The following CACNA1D variants were observed in gnomAD, a reference collection of about 807,000 sequenced individuals.
CACNA1D encodes voltage-dependent L-type calcium channel subunit alpha-1D.
In CACNA1D, 55 loss-of-function variants were observed where a neutral mutation model predicts 257.1. The observed-to-expected ratio is 0.21, with a 90% CI of 0.17 to 0.27. The LOEUF is 0.27. Among genes scored for constraint, CACNA1D ranks in the 10% least tolerant of loss-of-function variants. CACNA1D has a pLI of 1.00. For synonymous variants in CACNA1D, 980 were observed against 1,014.9 expected (o/e 0.97, Z 0.65); for missense variants, 1,876 against 2,784.0 (o/e 0.67, Z 7.34).
chr3:53,716,806 G>A (rs562887634), intron 9 of CACNA1D, among the ~76,000 whole-genome samples: 36 of 152,174 alleles, frequency 2.4e-4, no homozygotes, highest in Middle Eastern at 3.4e-3. Context: ...CAGTTTCTCG[G>A]GCACTCACAA....
At chr3:53,602,813 T>C (rs930645082) in intron 3 of CACNA1D, among the ~76,000 whole-genome samples, 7 of 152,212 alleles carry the variant, frequency 4.6e-5, no homozygotes, top group African/African-American at 1.7e-4. Context: ...TTCCCCCTAT[T>C]GAGTTGTCTG....
intron 3 of CACNA1D, among the ~76,000 whole-genome samples, chr3:53,628,024 A>AAAT (rs2093779491): frequency 6.6e-6 from 1 of 151,988 alleles, no homozygotes; most frequent in African/African-American, 2.4e-5. Context: ...CATCTCAAAA[A>AAAT]AAATAAATAA....
Position 53,811,774 on chromosome 3 carries a change from C to T in CACNA1D, c.*368C>T, listed in dbSNP as rs942408129. On this transcript the variant is annotated 3_prime_UTR_variant, in exon 48 of 48. Coordinates refer to ENST00000350061, the MANE Select transcript of CACNA1D (RefSeq NM_001128840.3). This position sits in a 1 kb window ranked among gnomAD's most constrained non-coding sequence, Gnocchi z 4.2. ...GCCCACCCAACTGAAGGCATGGCGG[C>T]GGGGTGCAGGGGAAAGTTAAAGGTG... 2.2e-5 allele frequency: 4 copies of T among 182,138 alleles called. No homozygotes were observed. Among genetic ancestry groups the T allele is most frequent in the Admixed American group, 5.9e-5 (1 of 17,086 alleles). The allele number at this position is 182,138 out of a possible 1,614,324, so 11.3% of individuals were successfully genotyped here. A position where few individuals can be genotyped will look rare whatever the true frequency, so the allele number is the denominator to read the frequency against.
intron 8 of CACNA1D, among the ~76,000 whole-genome samples, chr3:53,689,722 G>A (rs1432344080): frequency 6.6e-6 from 1 of 152,094 alleles, no homozygotes; most frequent in African/African-American, 2.4e-5. Flanking sequence ...GCAATGGTGC[G>A]ATTGTAGCTC....
At chr3:53,552,155 A>C (rs1278302408) in intron 3 of CACNA1D, among the ~76,000 whole-genome samples, 2 of 152,118 alleles carry the variant, frequency 1.3e-5, no homozygotes, top group African/African-American at 4.8e-5. Context: ...ACTGTCTCCC[A>C]GTGTGTGTGG....
In CACNA1D at chr3:53,666,460, T is replaced by C. The variant is rs760386666; in HGVS notation, c.1041T>C (p.Phe347=). Reference sequence around the variant, plus strand: ...GCCCGAACGGAGGCATCACCAACTTTGATAACTTTGCCTTTGCCATGCTTA... The same window carrying C: ...GCCCGAACGGAGGCATCACCAACTTCGATAACTTTGCCTTTGCCATGCTTA... ...WVGPNGGITN[F]DNFAFAMLTV... Residue 347 remains phenylalanine (F), a synonymous_variant, in exon 7 of 48, where the codon TTT becomes TTC. Transcript: ENST00000350061. 1.9e-6 allele frequency: 3 copies of C among 1,614,058 alleles called. No homozygotes were observed. In the Admixed American group the frequency reaches 5.0e-5, roughly 27 times the overall value.
At chr3:53,613,983 A>C (rs1054269485) in intron 3 of CACNA1D, among the ~76,000 whole-genome samples, 2 of 151,992 alleles carry the variant, frequency 1.3e-5, no homozygotes, top group African/African-American at 4.8e-5. Context: ...TAGAACTCTA[A>C]AGAAGATAGG....
chr3:53,499,652 AT>A (rs2090507446), intron 2 of CACNA1D, among the ~76,000 whole-genome samples: 1 of 152,196 alleles, frequency 6.6e-6, no homozygotes, highest in Non-Finnish European at 1.5e-5. Flanking sequence ...AATACAACTT[AT>A]ATTTAGTCTT....
chr3:53,497,338 G>A lies in CACNA1D; in HGVS notation c.254G>A (p.Arg85His). 5 of 1,614,106 alleles carry A rather than the reference G, an allele frequency of 3.1e-6. No homozygotes were observed. The highest frequency in any genetic ancestry group is 1.1e-5 in the South Asian group (1 of 91,062). ...PPVGSLSQRK[R>H]QQYAKSKKQG... ...GTAGGATCTCTCTCCCAAAGAAAAC[G>A]TCAGCAATACGCCAAGAGCAAAAAA... Residue 85 changes from arginine (R) to histidine (H), a missense_variant, in exon 2 of 48, where the codon CGT becomes CAT. Transcript: ENST00000350061.
At chr3:53,731,036 A>C (rs370890846) in intron 16 of CACNA1D, 41 bp from the exon 17 acceptor site, 1 of 1,204,516 alleles carries the variant, frequency 8.3e-7, no homozygotes. Context: ...ACAGAGTAAC[A>C]TGGTTATTTG....
chr3:53,564,286 G>A (rs2092794484), intron 3 of CACNA1D, among the ~76,000 whole-genome samples: 1 of 151,992 alleles, frequency 6.6e-6, no homozygotes, highest in Admixed American at 6.6e-5. Context: ...TCAGCCTCCT[G>A]AGTAGCTGGG....
At chr3:53,521,321 C>T (rs1044350458) in intron 3 of CACNA1D, among the ~76,000 whole-genome samples, 1 of 152,210 alleles carries the variant, frequency 6.6e-6, no homozygotes, top group Non-Finnish European at 1.5e-5. Context: ...GTGTTCCAGG[C>T]ATGAGCTACT....
At chr3:53,525,147 A>C (rs1402540480) in intron 3 of CACNA1D, among the ~76,000 whole-genome samples, 1 of 152,166 alleles carries the variant, frequency 6.6e-6, no homozygotes, top group Non-Finnish European at 1.5e-5. Flanking sequence ...TGTATGTCTT[A>C]TCCTTACTCG....
intron 9 of CACNA1D, among the ~76,000 whole-genome samples, chr3:53,706,512 A>G (rs1170970359): frequency 6.6e-6 from 1 of 152,190 alleles, no homozygotes; most frequent in Non-Finnish European, 1.5e-5. Context: ...ATATCTCCCC[A>G]TGGGGCTGTT....
rs1403797818 is a variant in CACNA1D, at chr3:53,501,701, A to G, written c.464A>G (p.Asn155Ser). 1 of 1,585,630 alleles carries G rather than the reference A, an allele frequency of 6.3e-7. No individual in the cohort carries two copies. Among genetic ancestry groups the G allele is most frequent in the South Asian group, 1.1e-5 (1 of 90,522 alleles). ...ATCCCATTCCCTGAAGATGATTCTA[A>G]TTCAACAAATCATAACTTGGTAAGT... ...IYIPFPEDDS[N>S]STNHNLEKVE... The change falls in exon 3 of 48, where the codon AAT becomes AGT. Residue 155 changes from asparagine (N) to serine (S), a missense_variant. Coordinates refer to ENST00000350061, the MANE Select transcript of CACNA1D (RefSeq NM_001128840.3).
At chr3:53,577,148 G>A (rs2093051872) in intron 3 of CACNA1D, among the ~76,000 whole-genome samples, 1 of 152,148 alleles carries the variant, frequency 6.6e-6, no homozygotes. Context: ...ATGTGGTCTG[G>A]AGTGCTTTGC....
At chr3:53,511,375 G>A (rs557542846) in intron 3 of CACNA1D, among the ~76,000 whole-genome samples, 9 of 152,246 alleles carry the variant, frequency 5.9e-5, no homozygotes, top group South Asian at 2.1e-4. Context: ...AGTACATCCT[G>A]ACACACAGGG....
At chr3:53,745,459 T>C (rs1289522457) in intron 23 of CACNA1D, among the ~76,000 whole-genome samples, 165 bp from the exon 24 acceptor site, 1 of 152,138 alleles carries the variant, frequency 6.6e-6, no homozygotes, top group African/African-American at 2.4e-5. Flanking sequence ...CAGGCTGGTC[T>C]CAAACTCCTG....
intron 3 of CACNA1D, among the ~76,000 whole-genome samples, chr3:53,536,030 G>A (rs2092105297): frequency 6.6e-6 from 1 of 152,098 alleles, no homozygotes; most frequent in Non-Finnish European, 1.5e-5. Flanking sequence ...GGCCTGGGTG[G>A]CTCTTCTGGG....
Sources: allele counts gnomAD v4.1 joint callset (sites outside exome capture counted in the v4.1 genomes callset), GRCh38; gene constraint gnomAD v4.1.1; non-coding constraint Gnocchi (gnomAD v3.1); transcripts MANE v1.5; gene names NCBI Gene and HGNC (gene_info 2026-07-23, HGNC 2026-07-21).